Variants in CLEC19A observed in about 807,000 individuals in gnomAD.
CLEC19A encodes C-type lectin domain family 19 member A.
In CLEC19A, 21 loss-of-function variants were observed where a neutral mutation model predicts 26.1. The observed-to-expected ratio is 0.80, with a 90% CI of 0.57 to 1.16. The LOEUF (loss-of-function observed/expected upper bound fraction) is 1.16, where lower values mean the gene tolerates loss of function less well. CLEC19A is among the 50% of genes most tolerant of loss of function. CLEC19A has a pLI of 0.00. For missense variants in CLEC19A, 224 were observed against 227.6 expected, an observed-to-expected ratio of 0.98 and a Z score of 0.10; for synonymous variants, 89 against 88.6, an observed-to-expected ratio of 1.00 and a Z score of -0.03.
intron 3 of CLEC19A, chr16:19,304,395 T>TAAA: frequency 5.8e-6 from 1 of 172,274 alleles, no homozygotes; most frequent in South Asian, 7.0e-5. Flanking sequence ...TTGGGTTCTC[T>TAAA]TAAAAAAAAA....
intron 1 of CLEC19A, among the ~76,000 whole-genome samples, chr16:19,296,823 G>T (rs1354100895): frequency 6.6e-6 from 1 of 152,180 alleles, no homozygotes; most frequent in South Asian, 2.1e-4. Flanking sequence ...CCACTAAAGG[G>T]TGACCTTCAC....
At chr16:19,302,475 G>C (rs1188418981) in intron 2 of CLEC19A, among the ~76,000 whole-genome samples, 1 of 152,174 alleles carries the variant, frequency 6.6e-6, no homozygotes, top group African/African-American at 2.4e-5. Flanking sequence ...GAAGCTGATG[G>C]GAGCAGATAC....
intron 1 of CLEC19A, among the ~76,000 whole-genome samples, chr16:19,295,094 C>T (rs986194434): frequency 2.6e-5 from 4 of 152,124 alleles, no homozygotes; most frequent in Non-Finnish European, 5.9e-5. Flanking sequence ...TCCAATGTCT[C>T]CTGGCAAGGG....
At chr16:19,304,659 C>A (rs1454493780) in intron 3 of CLEC19A, among the ~76,000 whole-genome samples, 2 of 151,790 alleles carry the variant, frequency 1.3e-5, no homozygotes, top group Non-Finnish European at 2.9e-5. Flanking sequence ...GGAGATCATG[C>A]CACTGCACTC....
intron 1 of CLEC19A, among the ~76,000 whole-genome samples, chr16:19,291,949 A>G (rs1047638670): frequency 1.3e-5 from 2 of 152,210 alleles, no homozygotes; most frequent in Admixed American, 1.3e-4. Context: ...CTAAAGGACC[A>G]GAATGGGGAG....
chr16:19,307,617 G>A lies in CLEC19A; in HGVS notation c.421G>A (p.Gly141Ser). 6.5e-7 allele frequency: 1 copy of A among 1,548,316 alleles called. No individual in the cohort carries two copies. Among genetic ancestry groups the A allele is most frequent in the Non-Finnish European group, 8.7e-7 (1 of 1,146,824 alleles). Residue 141 changes from glycine to serine, a missense_variant, in exon 4 of 5, where the codon GGC becomes AGC. Transcript: ENST00000636231. ...SYWDGSQPDD[G>S]VHADPEEEDC... is the part of the protein sequence containing the mutation. The stretch of plus-strand genomic sequence containing the variant: ...CTGGGATGGCAGCCAGCCAGATGAT[G>A]GCGTCCACGCGGACCCAGAAGAAGA...
Position 19,285,831 on chromosome 16 carries a change from G to A in CLEC19A, c.-21G>A. On this transcript the variant is annotated 5_prime_UTR_variant, in exon 1 of 5. Coordinates refer to ENST00000636231, the MANE Select transcript of CLEC19A (RefSeq NM_001256720.2). ...CTCTCTCCTCCACTCAGGCTGGGAG[G>A]TTGCTTTCTAGGAGCTCAGGATGCA... 4 of 1,549,632 alleles carry A rather than the reference G, an allele frequency of 2.6e-6. No individual in the cohort carries two copies. The highest frequency in any genetic ancestry group is 3.5e-6 in the Non-Finnish European group (4 of 1,146,326).
intron 1 of CLEC19A, among the ~76,000 whole-genome samples, chr16:19,293,000 G>A (rs1897622341): frequency 6.6e-6 from 1 of 152,034 alleles, no homozygotes; most frequent in African/African-American, 2.4e-5. Flanking sequence ...GCTAAAAGGT[G>A]TTGAGAAGGT....
At chr16:19,286,276 C>T (rs982669264) in intron 1 of CLEC19A, among the ~76,000 whole-genome samples, 1 of 152,236 alleles carries the variant, frequency 6.6e-6, no homozygotes, top group African/African-American at 2.4e-5. Flanking sequence ...GAGGAAAGTG[C>T]TTTGCACAGT....
chr16:19,292,027 G>C (rs1202967594), intron 1 of CLEC19A, among the ~76,000 whole-genome samples: 1 of 152,118 alleles, frequency 6.6e-6, no homozygotes, highest in Non-Finnish European at 1.5e-5. Context: ...TGGAGGCAGG[G>C]GTTCTTTTTG....
rs190777530 is a variant in CLEC19A at position 19,301,434 on chromosome 16, G to A, written c.254+2596G>A. Among the ~76,000 whole-genome samples, 512 of 152,302 alleles carry A rather than the reference G, an allele frequency of 3.4e-3. 1 individual carries two copies. The highest frequency in any genetic ancestry group is 0.012 in the African/African-American group (490 of 41,562). On this transcript the variant is annotated intron_variant, in intron 2 of 4. Transcript: ENST00000636231. ...GGGGGACAGTATGAGCATTGATTAAGGGCATCAGAGTCAGGTAGTTCTAGA... is the reference window on the plus strand; with the variant it reads ...GGGGGACAGTATGAGCATTGATTAAAGGCATCAGAGTCAGGTAGTTCTAGA...
In CLEC19A at chr16:19,307,697, A is replaced by C. The variant is rs1462692045; in HGVS notation, c.481+20A>C. ...CCAGTGGTGGGTACCCCTGAGACCA[A>C]GGCTCTTGCAGGGGAGCCCAGGAGG... On this transcript the variant is annotated intron_variant, in intron 4 of 4. Transcript: ENST00000636231. 14 of 1,547,462 alleles carry C rather than the reference A, an allele frequency of 9.0e-6. No individual in the cohort carries two copies. Among genetic ancestry groups the C allele is most frequent in the Non-Finnish European group, 1.2e-5 (14 of 1,146,326 alleles).
At chr16:19,287,418 C>T (rs978179070) in intron 1 of CLEC19A, among the ~76,000 whole-genome samples, 1 of 152,092 alleles carries the variant, frequency 6.6e-6, no homozygotes, top group Non-Finnish European at 1.5e-5. Flanking sequence ...CTCCCAATAC[C>T]ATCACATTGG....
intron 1 of CLEC19A, among the ~76,000 whole-genome samples, chr16:19,293,383 T>A (rs530387700): frequency 2.8e-4 from 43 of 152,340 alleles, no homozygotes; most frequent in African/African-American, 8.9e-4. Flanking sequence ...TTTTAATATG[T>A]TAACATCAGG....
chr16:19,306,032 A>G (rs923004221), intron 3 of CLEC19A, among the ~76,000 whole-genome samples: 1 of 151,546 alleles, frequency 6.6e-6, no homozygotes, highest in Non-Finnish European at 1.5e-5. Context: ...TTTAGTAGAG[A>G]CTGGGTTTCA....
At chr16:19,288,434 T>C (rs1321878392) in intron 1 of CLEC19A, among the ~76,000 whole-genome samples, 1 of 152,018 alleles carries the variant, frequency 6.6e-6, no homozygotes. Context: ...CCCCCAGCCT[T>C]TAGGTACAAT....
chr16:19,308,287 G>A (rs1051946702), intron 4 of CLEC19A, among the ~76,000 whole-genome samples: 3 of 152,228 alleles, frequency 2.0e-5, no homozygotes, highest in South Asian at 2.1e-4. Context: ...ATGGACTCGG[G>A]AGTTGACTGC....
At chr16:19,289,555 C>A (rs2143008513) in intron 1 of CLEC19A, among the ~76,000 whole-genome samples, 1 of 152,322 alleles carries the variant, frequency 6.6e-6, no homozygotes, top group East Asian at 1.9e-4. Context: ...TGAGCCAAGA[C>A]AGTAAGTGAC....
Position 19,304,136 on chromosome 16 carries a change from GC to G in CLEC19A, c.331del (p.Leu111PhefsTer52), listed in dbSNP as rs1260785556. The G allele has an allele frequency of 6.4e-7, 1 of 1,550,584 alleles. No homozygotes were observed. Among genetic ancestry groups the G allele is most frequent in the Non-Finnish European group, 8.7e-7 (1 of 1,146,964 alleles). On this transcript the variant is annotated frameshift_variant, in exon 3 of 5. Transcript: ENST00000636231. LOFTEE classifies it high-confidence loss of function. Reference protein sequence around the residue: ...VPGIPADVWTGLHDHRQEGQF... With the variant: ...VPGIPADVWTXLHDHRQEGQF... ...GGCATCCCAGCTGACGTCTGGACAGGCCTTCATGATCACAGACAGGTGAGAA... is the reference window on the plus strand; with the variant it reads ...GGCATCCCAGCTGACGTCTGGACAGGCTTCATGATCACAGACAGGTGAGAA...
Sources: allele counts gnomAD v4.1 joint callset (sites outside exome capture counted in the v4.1 genomes callset), GRCh38; gene constraint gnomAD v4.1.1; transcripts MANE v1.5; gene names NCBI Gene and HGNC (gene_info 2026-07-23, HGNC 2026-07-21).